The following ANKRD62 variants were observed in gnomAD, a reference collection of about 807,000 sequenced individuals.
The protein encoded by ANKRD62 is ankyrin repeat domain-containing protein 62.
Under a neutral mutation model 98.8 loss-of-function variants are expected in ANKRD62, and 61 were observed. The observed-to-expected ratio is 0.62, with a 90% CI of 0.50 to 0.76. The LOEUF is 0.76. ANKRD62 is among the 30% of genes least tolerant of loss of function. The probability of loss-of-function intolerance (pLI) is 0.00; values close to 1 mark genes in which losing one functional copy is unlikely to be tolerated. For missense variants in ANKRD62, 933 were observed against 1,082.9 expected, an observed-to-expected ratio of 0.86 and a Z score of 1.94; for synonymous variants, 341 against 367.9, an observed-to-expected ratio of 0.93 and a Z score of 0.84.
intron 3 of ANKRD62, 108 bp downstream of exon 3, chr18:12,095,718 G>T (rs1369161274): frequency 9.5e-7 from 1 of 1,048,514 alleles, no homozygotes; most frequent in African/African-American, 1.6e-5. Context: ...AATATATTAC[G>T]TGCAAATATT....
At chr18:12,111,409 A>C (rs2089485419) in intron 8 of ANKRD62, among the ~76,000 whole-genome samples, 2 of 152,184 alleles carry the variant, frequency 1.3e-5, no homozygotes, top group Admixed American at 1.3e-4. Context: ...AACATACCTC[A>C]AAATAATAAG....
intron 8 of ANKRD62, among the ~76,000 whole-genome samples, chr18:12,112,111 C>CA (rs34392499): frequency 0.095 from 2,762 of 29,084 alleles, 119 homozygotes; most frequent in Admixed American, 0.16. Flanking sequence ...GACTCCAACT[C>CA]AAAAAAAAAA....
At chr18:12,116,570 A>G (rs1406533253) in intron 10 of ANKRD62, among the ~76,000 whole-genome samples, 2 of 152,180 alleles carry the variant, frequency 1.3e-5, no homozygotes, top group African/African-American at 4.8e-5. Flanking sequence ...CAAAACCTGA[A>G]ACACTTCTGG....
the ANKRD62 span, among the ~76,000 whole-genome samples, chr18:12,150,472 C>G: frequency 2.5e-3 from 380 of 152,178 alleles, 7 homozygotes; most frequent in Non-Finnish European, 3.4e-4. Context: ...ATTTTACACA[C>G]GAATACCATC....
At chr18:12,171,335 A>G in the ANKRD62 span, among the ~76,000 whole-genome samples, 5 of 152,114 alleles carry the variant, frequency 3.3e-5, no homozygotes, top group African/African-American at 7.2e-5. Context: ...CAGGCCTGGT[A>G]GTGACAAAAT....
the ANKRD62 span, among the ~76,000 whole-genome samples, chr18:12,154,688 A>G: frequency 3.9e-5 from 6 of 152,216 alleles, no homozygotes; most frequent in Admixed American, 6.5e-5. Flanking sequence ...TTGCATCACT[A>G]TTCGCAATAG....
chr18:12,167,678 A>G, the ANKRD62 span, among the ~76,000 whole-genome samples: 1 of 152,194 alleles, frequency 6.6e-6, no homozygotes, highest in Non-Finnish European at 1.5e-5. Flanking sequence ...GTCAAATGGT[A>G]TTTCTAGTTC....
At chr18:12,170,706 A>G in the ANKRD62 span, among the ~76,000 whole-genome samples, 1 of 152,134 alleles carries the variant, frequency 6.6e-6, no homozygotes, top group Non-Finnish European at 1.5e-5. Flanking sequence ...TGTCTCGTTG[A>G]TCTGTCTAAA....
At chr18:12,170,064 T>C in the ANKRD62 span, among the ~76,000 whole-genome samples, 2 of 152,210 alleles carry the variant, frequency 1.3e-5, no homozygotes, top group African/African-American at 4.8e-5. Context: ...GTTTTGTTGG[T>C]CTTTTCAAAA....
the ANKRD62 span, among the ~76,000 whole-genome samples, chr18:12,172,853 C>T: frequency 6.6e-6 from 1 of 152,322 alleles, no homozygotes; most frequent in Non-Finnish European, 1.5e-5. Flanking sequence ...AGTTTGATCT[C>T]AGACTGCTGT....
the ANKRD62 span, among the ~76,000 whole-genome samples, chr18:12,168,809 G>A: frequency 1.6e-4 from 24 of 152,100 alleles, no homozygotes; most frequent in African/African-American, 4.3e-4. Flanking sequence ...CTTTTATTTC[G>A]TTGAGCAGTT....
chr18:12,135,246 T>G, the ANKRD62 span, among the ~76,000 whole-genome samples: 2 of 131,694 alleles, frequency 1.5e-5, no homozygotes, highest in East Asian at 2.3e-4. Flanking sequence ...CCTGTGTCCA[T>G]GTGTTCTCAT....
chr18:12,155,400 A>G, the ANKRD62 span, among the ~76,000 whole-genome samples: 22 of 152,186 alleles, frequency 1.4e-4, no homozygotes, highest in African/African-American at 4.8e-4. Flanking sequence ...CTGGTTCTCA[A>G]TCCCAAGCCT....
chr18:12,153,545 T>C, the ANKRD62 span, among the ~76,000 whole-genome samples: 1 of 136,550 alleles, frequency 7.3e-6, no homozygotes, highest in Non-Finnish European at 1.5e-5. Flanking sequence ...TGAGCCAGGA[T>C]CACATCACTG....
In ANKRD62 at chr18:12,125,895, C is replaced by T. The variant is rs1909879709; in HGVS notation, c.2074C>T (p.Gln692Ter). 1.3e-6 allele frequency: 2 copies of T among 1,541,936 alleles called. No individual in the cohort carries two copies. The highest frequency in any genetic ancestry group is 2.7e-5 in the African/African-American group (2 of 73,026). ...QSTVNEWCHL[Q>*]EDTNSHIQIL... ...CACAGTGAATGAATGGTGTCATTTA[C>T]AAGAAGACACTAATTCTCACATTCA... is the stretch of plus-strand genomic sequence containing the variant. The change falls in exon 13 of 14, where the codon CAA becomes TAA. Residue 692 changes from glutamine to a stop codon, truncating the protein, a stop_gained. Transcript: ENST00000587848. LOFTEE classifies it high-confidence loss of function.
chr18:12,163,228 G>A, the ANKRD62 span, among the ~76,000 whole-genome samples: 1 of 151,940 alleles, frequency 6.6e-6, no homozygotes, highest in African/African-American at 2.4e-5. Flanking sequence ...TCACTTCTGT[G>A]TTTAACTCCT....
downstream of ANKRD62, among the ~76,000 whole-genome samples, chr18:12,130,365 C>T (rs1386267245): frequency 6.6e-6 from 1 of 151,626 alleles, no homozygotes. Context: ...TAGAAAATGC[C>T]GTGTTAAAAA....
Position 12,107,409 on chromosome 18 carries a change from A to C in ANKRD62, c.1006A>C (p.Lys336Gln). Residue 336 changes from lysine (K) to glutamine (Q), a missense_variant, in exon 8 of 14, where the codon AAG becomes CAG. By Grantham distance (53) the Lys-to-Gln change is moderately conservative (BLOSUM62 1). Coordinates refer to ENST00000587848, the MANE Select transcript of ANKRD62 (RefSeq NM_001277333.2). ...DDVDELIHKI[K>Q]NRKPDNHQSP... ...TGTTGATGAATTAATTCACAAAATA[A>C]AGAACAGAAAACCTGATAATCATCA... The C allele has an allele frequency of 6.6e-7, 1 of 1,522,908 alleles. No homozygotes were observed. The highest frequency in any genetic ancestry group is 1.2e-5 in the South Asian group (1 of 81,622). The allele number at this position is 1,522,908 out of a possible 1,614,324, so 94.3% of individuals were successfully genotyped here. A position where few individuals can be genotyped will look rare whatever the true frequency, so the allele number is the denominator to read the frequency against.
chr18:12,130,724 G>T (rs1483110313), downstream of ANKRD62, among the ~76,000 whole-genome samples: 1 of 150,482 alleles, frequency 6.6e-6, no homozygotes, highest in African/African-American at 2.5e-5. Context: ...ACAGAGTCTT[G>T]ATCTGTCGCC....
Sources: allele counts gnomAD v4.1 joint callset (sites outside exome capture counted in the v4.1 genomes callset), GRCh38; gene constraint gnomAD v4.1.1; transcripts MANE v1.5; gene names NCBI Gene and HGNC (gene_info 2026-07-23, HGNC 2026-07-21).